TCEA1: variants seen among roughly 807,000 people sequenced by gnomAD.
TCEA1 encodes the protein transcription elongation factor A1, also known as transcription elongation factor A protein 1.
TCEA1 carries 21 observed loss-of-function variants against 43.8 expected under a neutral mutation model. That is an observed-to-expected ratio of 0.48 (90% CI 0.34 to 0.69). The LOEUF (loss-of-function observed/expected upper bound fraction) is 0.69. Ranked by LOEUF, TCEA1 falls within the 30% of genes least tolerant of loss-of-function variation. The probability of loss-of-function intolerance (pLI) is 0.01; values close to 1 mark genes in which losing one functional copy is unlikely to be tolerated. For synonymous variants in TCEA1, 104 were observed against 117.5 expected, an observed-to-expected ratio of 0.88 and a Z score of 0.75; for missense variants, 250 against 365.1, an observed-to-expected ratio of 0.68 and a Z score of 2.57.
intron 1 of TCEA1, among the ~76,000 whole-genome samples, chr8:54,014,183 TC>T (rs1804747537): frequency 6.6e-6 from 1 of 152,208 alleles, no homozygotes; most frequent in Non-Finnish European, 1.5e-5. Context: ...CATGAACTAG[TC>T]GCCTGACCCT....
intron 7 of TCEA1, 44 bp from the exon 8 acceptor site, chr8:53,979,215 A>G (rs769428674): frequency 3.3e-6 from 5 of 1,534,060 alleles, no homozygotes; most frequent in Admixed American, 3.7e-5. Context: ...GACACCTTCT[A>G]TATATATCCT....
At chr8:53,975,868 G>C (rs976964484) in intron 8 of TCEA1, among the ~76,000 whole-genome samples, 3 of 152,114 alleles carry the variant, frequency 2.0e-5, no homozygotes, top group African/African-American at 7.2e-5. Flanking sequence ...AACTGGTTAA[G>C]TTGGGAAATT....
intron 2 of TCEA1, among the ~76,000 whole-genome samples, chr8:54,006,384 C>T (rs186802116): frequency 7.9e-5 from 12 of 152,242 alleles, no homozygotes; most frequent in African/African-American, 2.9e-4. Context: ...GAGGCTGAGG[C>T]AGGAGAATCG....
chr8:53,999,224 C>CAAAAAAAAAA (rs57357613), intron 3 of TCEA1, among the ~76,000 whole-genome samples: 3 of 64,512 alleles, frequency 4.7e-5, no homozygotes, highest in African/African-American at 5.3e-5. Context: ...GACTCAGTCT[C>CAAAAAAAAAA]AAAAAAAAAA....
intron 7 of TCEA1, among the ~76,000 whole-genome samples, chr8:53,983,680 A>AC (rs1245566939): frequency 2.0e-5 from 3 of 150,048 alleles, no homozygotes; most frequent in Non-Finnish European, 2.9e-5. Context: ...AAAAAAAAAA[A>AC]GAAATAATCA....
rs565084610 is a variant in TCEA1 at position 53,987,122 on chromosome 8, C to T, written c.467-97G>A. ...AACTGCATTCCTATTTCTTAAACCC[C>T]ATTTGCCTGACATAAAGAAACCGTT... On this transcript the variant is annotated intron_variant, in intron 5 of 9. Transcript: ENST00000521604. 11 of 1,015,200 alleles carry T rather than the reference C, an allele frequency of 1.1e-5. No individual in the cohort carries two copies. The East Asian group carries it at 2.4e-4, about 22-fold the overall frequency. 62.9% of individuals were successfully genotyped at this position (1,015,200 alleles called of 1,614,324 possible). A position where few individuals can be genotyped will look rare whatever the true frequency, so the allele number is the denominator to read the frequency against.
chr8:54,014,351 G>A (rs1484213750), intron 1 of TCEA1, among the ~76,000 whole-genome samples: 1 of 152,138 alleles, frequency 6.6e-6, no homozygotes, highest in African/African-American at 2.4e-5. Flanking sequence ...GGCTCAGCCT[G>A]TAATCCCAGC....
At chr8:54,021,961 A>G (rs1337719971) in intron 1 of TCEA1, 102 bp downstream of exon 1, 60 of 1,124,304 alleles carry the variant, frequency 5.3e-5, no homozygotes, top group Non-Finnish European at 6.9e-5. Flanking sequence ...CCCAGACGGG[A>G]GGCTGCAGGG....
chr8:53,992,874 T>A (rs892475824), intron 4 of TCEA1, among the ~76,000 whole-genome samples: 1 of 151,916 alleles, frequency 6.6e-6, no homozygotes, highest in Admixed American at 6.6e-5. Flanking sequence ...AAAGAACACA[T>A]GCAAAGGCCT....
chr8:53,968,040 A>G lies in TCEA1; in HGVS notation c.*64T>C. On this transcript the variant is annotated 3_prime_UTR_variant, in exon 10 of 10. Transcript: ENST00000521604. ...TGCAGGAAAACTAGTTGCTTGGCCTAGTTTAAAGCTAGTTACAAAATCCGT... is the reference window on the plus strand; with the variant it reads ...TGCAGGAAAACTAGTTGCTTGGCCTGGTTTAAAGCTAGTTACAAAATCCGT... 1 of 1,442,544 alleles carries G rather than the reference A, an allele frequency of 6.9e-7. No individual in the cohort carries two copies. 89.4% of individuals were successfully genotyped at this position (1,442,544 alleles called of 1,614,324 possible). A position where few individuals can be genotyped will look rare whatever the true frequency, so the allele number is the denominator to read the frequency against.
rs1415910232 is a variant in TCEA1 at position 53,971,871 on chromosome 8, T to C, written c.826-1408A>G. 4 of 204,458 alleles carry C rather than the reference T, an allele frequency of 2.0e-5. No homozygotes were observed. In the Admixed American group the frequency reaches 2.5e-4, roughly 13 times the overall value. 12.7% of individuals were successfully genotyped at this position (204,458 alleles called of 1,614,324 possible). A position where few individuals can be genotyped will look rare whatever the true frequency, so the allele number is the denominator to read the frequency against. The stretch of plus-strand genomic sequence containing the variant: ...AAGGATTCTGAAAATAAAACTGATA[T>C]AGATAATTCTGAGAGAATTAAAAAA... On this transcript the variant is annotated intron_variant, in intron 8 of 9. Transcript: ENST00000521604.
chr8:53,993,638 A>G (rs1215358987), intron 4 of TCEA1, 30 bp downstream of exon 4: 2 of 1,546,496 alleles, frequency 1.3e-6, no homozygotes, highest in African/African-American at 1.4e-5. Context: ...ATGACTTTCA[A>G]TATAAATATA....
rs1190395512 is a variant in TCEA1 at position 53,967,535 on chromosome 8, A to G, written c.*569T>C. 2 of 198,808 alleles carry G rather than the reference A, an allele frequency of 1.0e-5. No individual in the cohort carries two copies. The highest frequency in any genetic ancestry group is 4.6e-5 in the African/African-American group (2 of 43,438). 12.3% of individuals were successfully genotyped at this position (198,808 alleles called of 1,614,324 possible). On this transcript the variant is annotated 3_prime_UTR_variant, in exon 10 of 10. Transcript: ENST00000521604. ...TCACGGTTAGTTACAGATGCAAAAT[A>G]ATATCTAATATTCCAAGCTTGTGAA...
At position 53,984,532 on chromosome 8, in the gene TCEA1, A is replaced by T; in HGVS notation, c.524-15T>A. ...TTGATATATAGGTACCAGGCCGTTA[A>T]GGAAAAAAGGCAAAATTACAAAAGT... On this transcript the variant is annotated splice_polypyrimidine_tract_variant and intron_variant, in intron 6 of 9. Transcript: ENST00000521604. 1 of 1,536,036 alleles carries T rather than the reference A, an allele frequency of 6.5e-7. No individual in the cohort carries two copies. Among genetic ancestry groups the T allele is most frequent in the Non-Finnish European group, 8.7e-7 (1 of 1,145,830 alleles).
At chr8:54,002,015 A>G (rs1236257475) in intron 2 of TCEA1, among the ~76,000 whole-genome samples, 1 of 151,042 alleles carries the variant, frequency 6.6e-6, no homozygotes, top group Non-Finnish European at 1.5e-5. Flanking sequence ...CAAACAAAAA[A>G]CAAATTAGCT....
intron 8 of TCEA1, chr8:53,973,169 CA>C: frequency 1.9e-6 from 1 of 525,506 alleles, no homozygotes; most frequent in South Asian, 1.7e-5. Flanking sequence ...AAACAAAAGT[CA>C]GAAGGACGAT....
intron 2 of TCEA1, among the ~76,000 whole-genome samples, chr8:54,008,914 A>G (rs528630350): frequency 6.6e-6 from 1 of 150,682 alleles, no homozygotes; most frequent in South Asian, 2.1e-4. Context: ...CAGTGGCGCA[A>G]TCTCAGCTCA....
intron 8 of TCEA1, chr8:53,972,720 GA>G: frequency 2.9e-6 from 2 of 678,516 alleles, no homozygotes; most frequent in Non-Finnish European, 5.6e-6. Context: ...GACCTCTAGA[GA>G]AAAACTGAGA....
At chr8:53,976,171 A>C (rs60721822) in intron 8 of TCEA1, among the ~76,000 whole-genome samples, 9,241 of 152,256 alleles carry the variant, frequency 0.061, 538 homozygotes, top group South Asian at 0.28. Flanking sequence ...AAATTCCGTA[A>C]GAGATGATAA....
Sources: allele counts gnomAD v4.1 joint callset (sites outside exome capture counted in the v4.1 genomes callset), GRCh38; gene constraint gnomAD v4.1.1; transcripts MANE v1.5; gene names NCBI Gene and HGNC (gene_info 2026-07-23, HGNC 2026-07-21).